KLF8: variants seen among roughly 807,000 people sequenced by gnomAD.
KLF8 encodes KLF transcription factor 8.
Under a neutral mutation model 18.2 loss-of-function variants are expected in KLF8, and 10 were observed. The observed-to-expected ratio is 0.55, with a 90% CI of 0.34 to 0.93. KLF8 has a LOEUF of 0.93. KLF8 is among the 40% of genes least tolerant of loss of function. The pLI, the probability that KLF8 is intolerant of heterozygous loss-of-function variation, is 0.02. For synonymous variants in KLF8, 109 were observed against 97.3 expected, an observed-to-expected ratio of 1.12 and a Z score of -0.71; for missense variants, 264 against 277.9, an observed-to-expected ratio of 0.95 and a Z score of 0.36.
the KLF8 span, among the ~76,000 whole-genome samples, chrX:56,016,473 C>G: frequency 7.7e-4 from 86 of 111,774 alleles, no homozygotes; most frequent in African/African-American, 2.7e-3. Context: ...TGATAAGAAT[C>G]TGCCATTCAT....
At chrX:56,245,540 A>G in intron 1 of KLF8, among the ~76,000 whole-genome samples, 1 of 111,885 alleles carries the variant, frequency 8.9e-6, no homozygotes, top group Non-Finnish European at 1.9e-5. Flanking sequence ...ATGGGACTCA[A>G]TCTTCTTCCC....
At chrX:56,153,095 A>T in the KLF8 span, among the ~76,000 whole-genome samples, 4 of 112,048 alleles carry the variant, frequency 3.6e-5, no homozygotes, top group Non-Finnish European at 7.5e-5. Flanking sequence ...TTTCTAAAAC[A>T]TGTATTTATT....
At chrX:56,173,455 T>C in the KLF8 span, among the ~76,000 whole-genome samples, 1 of 111,942 alleles carries the variant, frequency 8.9e-6, no homozygotes, top group African/African-American at 3.2e-5. Context: ...TCCATTTGTC[T>C]ATATCTCTGT....
At chrX:56,074,159 G>A in the KLF8 span, among the ~76,000 whole-genome samples, 1,774 of 111,951 alleles carry the variant, frequency 0.016, 13 homozygotes, top group Middle Eastern at 0.028. Context: ...TTATTAAATT[G>A]TAGGTATTAT....
chrX:56,091,651 T>C, the KLF8 span, among the ~76,000 whole-genome samples: 1 of 110,900 alleles, frequency 9.0e-6, no homozygotes, highest in Admixed American at 9.6e-5. Context: ...TGTGCCACCA[T>C]GCCTGGCTAA....
chrX:55,938,131 C>T, the KLF8 span, among the ~76,000 whole-genome samples: 6 of 111,581 alleles, frequency 5.4e-5, no homozygotes, highest in Admixed American at 9.5e-5. Context: ...AGAGAAAGGT[C>T]GGGTTACCCA....
chrX:56,272,220 T>C, intron 5 of KLF8, among the ~76,000 whole-genome samples: 1 of 110,661 alleles, frequency 9.0e-6, no homozygotes, highest in Non-Finnish European at 1.9e-5. Context: ...TCACTACATT[T>C]TTTTTTTTGA....
chrX:56,106,383 A>T, the KLF8 span, among the ~76,000 whole-genome samples: 2 of 111,956 alleles, frequency 1.8e-5, no homozygotes, highest in African/African-American at 3.2e-5. Flanking sequence ...CTTTTCACAT[A>T]GTCCCATATT....
the KLF8 span, among the ~76,000 whole-genome samples, chrX:56,160,888 C>T: frequency 3.6e-5 from 4 of 111,352 alleles, no homozygotes; most frequent in African/African-American, 9.8e-5. Context: ...AGCCCATTTA[C>T]ATTTAAGGTT....
At chrX:56,074,189 C>G in the KLF8 span, among the ~76,000 whole-genome samples, 3 of 112,298 alleles carry the variant, frequency 2.7e-5, no homozygotes, top group Non-Finnish European at 3.8e-5. Flanking sequence ...CTGAATATTA[C>G]AGCCTTATCA....
At chrX:56,221,808 G>A in the KLF8 span, among the ~76,000 whole-genome samples, 2 of 111,710 alleles carry the variant, frequency 1.8e-5, no homozygotes, top group Non-Finnish European at 3.8e-5. Context: ...AAGAGCAAAA[G>A]AACAAACCTT....
the KLF8 span, among the ~76,000 whole-genome samples, chrX:56,081,306 A>C: frequency 9.0e-6 from 1 of 111,486 alleles, no homozygotes; most frequent in East Asian, 2.8e-4. Flanking sequence ...GATGATGGTG[A>C]TGTACAGATG....
the KLF8 span, among the ~76,000 whole-genome samples, chrX:56,135,795 C>G: frequency 8.9e-6 from 1 of 112,049 alleles, no homozygotes; most frequent in Non-Finnish European, 1.9e-5. Context: ...GAAATTAAAG[C>G]AGAAATCAAG....
At chrX:56,090,982 G>A in the KLF8 span, among the ~76,000 whole-genome samples, 1 of 111,988 alleles carries the variant, frequency 8.9e-6, no homozygotes, top group Non-Finnish European at 1.9e-5. Flanking sequence ...GTAGTATTCC[G>A]TGGTTTACAC....
chrX:56,142,561 G>C, the KLF8 span, among the ~76,000 whole-genome samples: 1 of 111,355 alleles, frequency 9.0e-6, no homozygotes, highest in African/African-American at 3.3e-5. Context: ...TTCTTAAGTT[G>C]TATATACCCA....
At chrX:56,171,349 T>A in the KLF8 span, among the ~76,000 whole-genome samples, 1 of 112,243 alleles carries the variant, frequency 8.9e-6, no homozygotes, top group South Asian at 3.7e-4. Flanking sequence ...TAAGTAGTTA[T>A]TAGCTTTAGA....
At chrX:56,045,537 A>AT in the KLF8 span, among the ~76,000 whole-genome samples, 2 of 111,677 alleles carry the variant, frequency 1.8e-5, no homozygotes, top group Non-Finnish European at 3.8e-5. Flanking sequence ...TGAAAATAAG[A>AT]TTTGTTTTCA....
the KLF8 span, among the ~76,000 whole-genome samples, chrX:56,150,835 G>C: frequency 1.8e-5 from 2 of 111,511 alleles, no homozygotes; most frequent in African/African-American, 6.5e-5. Context: ...GTTGCTGAAA[G>C]GAGGGTTTTT....
At chrX:56,168,866 A>G in the KLF8 span, among the ~76,000 whole-genome samples, 1 of 111,735 alleles carries the variant, frequency 8.9e-6, no homozygotes, top group Admixed American at 9.6e-5. Context: ...CATGGTGTAT[A>G]TATGCCCAAA....
Sources: allele counts gnomAD v4.1 joint callset (sites outside exome capture counted in the v4.1 genomes callset), GRCh38; gene constraint gnomAD v4.1.1; transcripts MANE v1.5; gene names NCBI Gene and HGNC (gene_info 2026-07-23, HGNC 2026-07-21).